ZNF486: variants seen among roughly 807,000 people sequenced by gnomAD.
ZNF486 encodes zinc finger protein 486.
Under a neutral mutation model 12.8 loss-of-function variants are expected in ZNF486, and 12 were observed. The ratio of observed to expected loss-of-function variants is 0.94; its 90% CI spans 0.60 to 1.52. ZNF486 has a LOEUF of 1.52. Among genes scored for constraint, ZNF486 ranks in the 40% most tolerant of loss-of-function variants. The pLI is 0.00. For missense variants in ZNF486, 738 were observed against 545.0 expected (o/e 1.35, Z -3.53); for synonymous variants, 231 against 184.9 (o/e 1.25, Z -2.02).
rs138320162 is a variant in ZNF486 at position 20,183,672 on chromosome 19, T to C, written c.31-684T>C. 1.2e-3 allele frequency among the ~76,000 whole-genome samples: 179 copies of C among 146,450 alleles called. 1 individual carries two copies. The highest frequency in any genetic ancestry group is 4.7e-3 in the African/African-American group (173 of 37,154). On this transcript the variant is annotated intron_variant, in intron 1 of 3. Coordinates refer to ENST00000335117, the MANE Select transcript of ZNF486 (RefSeq NM_052852.4). ...TAGCTCTCTGACAGATTTTTTTCAC[T>C]ATAGAGATAATTATTTTTCTATTCA...
At chr19:20,174,245 A>G (rs1555714324) in intron 1 of ZNF486, among the ~76,000 whole-genome samples, 1 of 152,184 alleles carries the variant, frequency 6.6e-6, no homozygotes, top group Non-Finnish European at 1.5e-5. Context: ...AAAAAGAAGA[A>G]CAGTTCAGTG....
chr19:20,190,312 C>T (rs1047114005), intron 3 of ZNF486, among the ~76,000 whole-genome samples: 1 of 152,240 alleles, frequency 6.6e-6, no homozygotes, highest in East Asian at 1.9e-4. Flanking sequence ...TGCCAATTTA[C>T]CTTTTGCTTT....
chr19:20,179,169 T>C (rs555532144), intron 1 of ZNF486, among the ~76,000 whole-genome samples: 6 of 152,374 alleles, frequency 3.9e-5, no homozygotes, highest in African/African-American at 1.4e-4. Flanking sequence ...TATTCATCTA[T>C]TGAAACTGTT....
chr19:20,182,445 A>T (rs1478825693), intron 1 of ZNF486, among the ~76,000 whole-genome samples: 2 of 152,148 alleles, frequency 1.3e-5, no homozygotes, highest in Non-Finnish European at 2.9e-5. Flanking sequence ...TTTGTTCTGC[A>T]TGGAAGCACT....
chr19:20,197,493 T>A lies in ZNF486; in HGVS notation c.783T>A (p.Ser261Arg), dbSNP rs1555718229. The A allele has an allele frequency of 3.7e-6, 6 of 1,609,050 alleles. No homozygotes were observed. The South Asian group carries it at 6.6e-5, about 18-fold the overall frequency. ...TTACTACACATAAGAAAATTCATAG[T>A]GGAGAGAAACCCTACATTTGTGAAG... Reference protein sequence around the residue: ...SSFTTHKKIHSGEKPYICEEC... With the variant: ...SSFTTHKKIHRGEKPYICEEC... Residue 261 changes from serine (S) to arginine (R), a missense_variant, in exon 4 of 4, where the codon AGT becomes AGA. By Grantham distance (110) the Ser-to-Arg change is moderately radical. Transcript: ENST00000335117.
In ZNF486 at chr19:20,184,498, A is replaced by C. The variant is rs370622969; in HGVS notation, c.157+16A>C. 1.1e-5 allele frequency: 17 copies of C among 1,568,684 alleles called. No individual in the cohort carries two copies. Among genetic ancestry groups the C allele is most frequent in the Middle Eastern group, 1.7e-4 (1 of 5,892 alleles). ...GTCTTCCTTGGTGAGGATAACTTAA[A>C]TACATAATTCATAAAAAACCCCAAA... On this transcript the variant is annotated intron_variant, in intron 2 of 3. Coordinates refer to ENST00000335117, the MANE Select transcript of ZNF486 (RefSeq NM_052852.4).
At chr19:20,189,587 T>C (rs879990300) in intron 3 of ZNF486, among the ~76,000 whole-genome samples, 7 of 152,204 alleles carry the variant, frequency 4.6e-5, no homozygotes, top group African/African-American at 1.7e-4. Context: ...TCTCTACAAA[T>C]CAGTAATTTT....
intron 1 of ZNF486, chr19:20,175,121 C>G (rs782706195): frequency 6.6e-6 from 1 of 152,138 alleles, no homozygotes; most frequent in African/African-American, 2.4e-5. Flanking sequence ...TATAAAAATT[C>G]TTCTGAAAAT....
chr19:20,190,197 C>A (rs1183222155), intron 3 of ZNF486, among the ~76,000 whole-genome samples: 1 of 152,052 alleles, frequency 6.6e-6, no homozygotes, highest in East Asian at 1.9e-4. Context: ...GTTACTGTAG[C>A]CTTTAACTGT....
rs2089976809 is a variant in ZNF486 at position 20,197,885 on chromosome 19, G to A, written c.1175G>A (p.Gly392Asp). 1 of 1,610,114 alleles carries A rather than the reference G, an allele frequency of 6.2e-7. No homozygotes were observed. The highest frequency in any genetic ancestry group is 2.2e-5 in the East Asian group (1 of 44,672). The change falls in exon 4 of 4, where the codon GGC (glycine) becomes GAC (aspartate). Residue 392 changes from glycine to aspartate, a missense_variant. Physicochemically the swap from Gly to Asp is moderately conservative, Grantham distance 94. Transcript: ENST00000335117. ...GGCAAAGCCTTTACATGGTCTGCAG[G>A]CCTCCATAAACATAGGAGAACTCAT... ...ECGKAFTWSA[G>D]LHKHRRTHTG...
At chr19:20,187,435 T>C (rs1169672030) in intron 3 of ZNF486, among the ~76,000 whole-genome samples, 1 of 152,036 alleles carries the variant, frequency 6.6e-6, no homozygotes. Flanking sequence ...AATAGAAGCA[T>C]TGACAATGGG....
chr19:20,189,910 T>C (rs955633184), intron 3 of ZNF486, among the ~76,000 whole-genome samples: 1 of 151,352 alleles, frequency 6.6e-6, no homozygotes, highest in Non-Finnish European at 1.5e-5. Context: ...TAATGTCCTT[T>C]TCCTGTATTT....
In ZNF486 at chr19:20,198,752, C is replaced by A. The variant is rs1338115671; in HGVS notation, c.*650C>A. On this transcript the variant is annotated 3_prime_UTR_variant, in exon 4 of 4. Coordinates refer to ENST00000335117, the MANE Select transcript of ZNF486 (RefSeq NM_052852.4). ...TGCCAGGCTGGTCTCAAACTCCTGACCTCAGGTGATCCACTCGCCTCGGCT... is the reference window on the plus strand; with the variant it reads ...TGCCAGGCTGGTCTCAAACTCCTGAACTCAGGTGATCCACTCGCCTCGGCT... 2 of 152,628 alleles carry A rather than the reference C, an allele frequency of 1.3e-5. No individual in the cohort carries two copies. The highest frequency in any genetic ancestry group is 4.8e-5 in the African/African-American group (2 of 41,430). 9.5% of individuals were successfully genotyped at this position (152,628 alleles called of 1,614,324 possible).
intron 1 of ZNF486, among the ~76,000 whole-genome samples, chr19:20,181,817 G>T (rs1230977569): frequency 6.6e-6 from 1 of 152,148 alleles, no homozygotes; most frequent in Non-Finnish European, 1.5e-5. Flanking sequence ...AACAGAAGAA[G>T]AAATAAAAAT....
intron 1 of ZNF486, chr19:20,176,064 C>T (rs1350670960): frequency 8.4e-5 from 15 of 179,218 alleles, no homozygotes; most frequent in Admixed American, 7.6e-4. Flanking sequence ...TACTCACTTC[C>T]CAGATGGGGC....
intron 3 of ZNF486, among the ~76,000 whole-genome samples, chr19:20,187,219 A>C (rs1372330257): frequency 6.6e-6 from 1 of 152,068 alleles, no homozygotes; most frequent in East Asian, 1.9e-4. Flanking sequence ...GACCATACAT[A>C]CACTTGTATG....
At chr19:20,169,933 C>CAGGCTGGA in intron 1 of ZNF486, among the ~76,000 whole-genome samples, 1 of 148,850 alleles carries the variant, frequency 6.7e-6, no homozygotes, top group Non-Finnish European at 1.5e-5. Context: ...CTCCGTCGCC[C>CAGGCTGGA]AGGCTGGAGT....
At chr19:20,170,313 C>G (rs1189865460) in intron 1 of ZNF486, among the ~76,000 whole-genome samples, 2 of 151,900 alleles carry the variant, frequency 1.3e-5, no homozygotes, top group South Asian at 2.1e-4. Flanking sequence ...CGCGATGGCT[C>G]ACGCTTGTAA....
intron 1 of ZNF486, among the ~76,000 whole-genome samples, chr19:20,168,088 G>A (rs1410738472): frequency 7.9e-5 from 12 of 152,176 alleles, no homozygotes; most frequent in African/African-American, 2.7e-4. Context: ...CTGGTCGGGC[G>A]CGGTGGCTCA....
Sources: gnomAD v4.1 joint callset for allele counts (sites outside exome capture counted in the v4.1 genomes callset) on GRCh38, gnomAD v4.1.1 for gene constraint, MANE v1.5 for transcripts, NCBI Gene and HGNC (gene_info 2026-07-23, HGNC 2026-07-21) for gene names.